Variants in MTUS2 observed in about 807,000 individuals in gnomAD.
The protein encoded by MTUS2 is microtubule associated scaffold protein 2, also known as microtubule-associated tumor suppressor candidate 2.
A neutral mutation model predicts 114.1 loss-of-function variants in MTUS2; 40 were observed. The observed-to-expected ratio is 0.35, with a 90% CI of 0.27 to 0.46. MTUS2 has a LOEUF of 0.46. Among genes scored for constraint, MTUS2 ranks in the 20% least tolerant of loss-of-function variants. The pLI is 1.00. For missense variants in MTUS2, 1,679 were observed against 1,705.4 expected (o/e 0.98, Z 0.27); for synonymous variants, 688 against 672.0 (o/e 1.02, Z -0.37).
intron 5 of MTUS2, among the ~76,000 whole-genome samples, chr13:29,128,364 G>A (rs1008160593): frequency 9.9e-5 from 15 of 152,160 alleles, no homozygotes; most frequent in Non-Finnish European, 1.8e-4. Flanking sequence ...AACTCAAGGA[G>A]AGGAAACCGG....
chr13:28,934,879 A>G (rs1347161406), intron 2 of MTUS2, among the ~76,000 whole-genome samples: 1 of 152,140 alleles, frequency 6.6e-6, no homozygotes, highest in Non-Finnish European at 1.5e-5. Flanking sequence ...TGAAATTGAC[A>G]CACATACAAT....
intron 5 of MTUS2, among the ~76,000 whole-genome samples, chr13:29,144,483 C>T (rs569770994): frequency 1.3e-5 from 2 of 152,174 alleles, no homozygotes; most frequent in South Asian, 2.1e-4. Flanking sequence ...CCCACCTCAG[C>T]CTTCCAGTTT....
In MTUS2 at chr13:29,183,389, G is replaced by A. The variant is rs187197797; in HGVS notation, c.2644+82419G>A. ...GGGAACAGGTTAGGAGATTCATTTGGGGGTAGGGTCAGAAATCAGAAGTTC... is the reference window on the plus strand; with the variant it reads ...GGGAACAGGTTAGGAGATTCATTTGAGGGTAGGGTCAGAAATCAGAAGTTC... On this transcript the variant is annotated intron_variant, in intron 5 of 15. Transcript: ENST00000612955. Among the ~76,000 whole-genome samples the A allele has an allele frequency of 2.6e-4, 40 of 152,286 alleles. 2 individuals carry two copies. The highest frequency in any genetic ancestry group is 1.3e-3 in the Admixed American group (20 of 15,294).
chr13:29,060,141 C>A (rs886828144), intron 4 of MTUS2, among the ~76,000 whole-genome samples: 1 of 152,230 alleles, frequency 6.6e-6, no homozygotes, highest in African/African-American at 2.4e-5. Context: ...GTGCAGCAGT[C>A]TTACTGCTCC....
intron 8 of MTUS2, among the ~76,000 whole-genome samples, chr13:29,389,347 G>GTGTATA (rs1566172512): frequency 0.023 from 279 of 12,060 alleles, 27 homozygotes; most frequent in East Asian, 0.053. Context: ...GTATGCACGT[G>GTGTATA]TGTGTATATA....
chr13:29,274,136 C>T (rs1188096343), intron 5 of MTUS2, among the ~76,000 whole-genome samples: 1 of 151,664 alleles, frequency 6.6e-6, no homozygotes, highest in African/African-American at 2.4e-5. Context: ...GTTTTTGAGA[C>T]AGAGTCTCGC....
At chr13:29,059,975 G>A (rs147544955) in intron 4 of MTUS2, among the ~76,000 whole-genome samples, 11 of 152,366 alleles carry the variant, frequency 7.2e-5, no homozygotes, top group Admixed American at 3.3e-4. Flanking sequence ...AGCAGGCATT[G>A]CCTGCCTGGC....
intron 4 of MTUS2, among the ~76,000 whole-genome samples, chr13:29,057,739 G>A (rs1042543546): frequency 2.0e-5 from 3 of 152,028 alleles, no homozygotes; most frequent in Non-Finnish European, 4.4e-5. Flanking sequence ...TCAGGTTTTA[G>A]TCCTTTATCT....
chr13:28,953,392 C>T (rs1232399330), intron 2 of MTUS2, among the ~76,000 whole-genome samples: 1 of 151,988 alleles, frequency 6.6e-6, no homozygotes, highest in African/African-American at 2.4e-5. Context: ...ACCTGTAATC[C>T]CAGCTACTTG....
chr13:29,222,934 C>T (rs1454305709), intron 5 of MTUS2, among the ~76,000 whole-genome samples: 1 of 152,216 alleles, frequency 6.6e-6, no homozygotes, highest in Non-Finnish European at 1.5e-5. Flanking sequence ...GCTGTCTCGG[C>T]CCCCTCTGGA....
In MTUS2 at chr13:29,082,404, G is replaced by A. The variant is rs190583764; in HGVS notation, c.2447-18369G>A. Among the ~76,000 whole-genome samples the A allele has an allele frequency of 1.1e-4, 16 of 152,278 alleles. 1 individual carries two copies. The East Asian group carries it at 2.7e-3, about 26-fold the overall frequency. On this transcript the variant is annotated intron_variant, in intron 4 of 15. Coordinates refer to ENST00000612955, the MANE Select transcript of MTUS2 (RefSeq NM_001033602.4). ...AAGTAGCAGCTCTCCAGTGAGCTCC[G>A]TCATGCCTGATGGTGATATTTTCAT... is the stretch of plus-strand genomic sequence containing the variant.
At chr13:29,164,213 A>G (rs1322613004) in intron 5 of MTUS2, among the ~76,000 whole-genome samples, 1 of 152,202 alleles carries the variant, frequency 6.6e-6, no homozygotes, top group Admixed American at 6.5e-5. Flanking sequence ...ACCCCTCACC[A>G]GGAGCGGCCC....
At chr13:29,144,287 C>G (rs910469097) in intron 5 of MTUS2, among the ~76,000 whole-genome samples, 2 of 152,116 alleles carry the variant, frequency 1.3e-5, no homozygotes, top group Non-Finnish European at 2.9e-5. Flanking sequence ...TAGATGGTTT[C>G]TCTGTTCAGG....
intron 2 of MTUS2, among the ~76,000 whole-genome samples, chr13:28,889,047 T>G (rs1035194702): frequency 5.3e-5 from 8 of 152,200 alleles, no homozygotes; most frequent in African/African-American, 1.9e-4. Context: ...AGTATCTACT[T>G]GGAAGTAATT....
intron 2 of MTUS2, among the ~76,000 whole-genome samples, chr13:28,909,358 T>G (rs920821297): frequency 3.4e-4 from 50 of 148,116 alleles, no homozygotes; most frequent in African/African-American, 1.2e-3. Context: ...TATCCTCTTT[T>G]ATTTCATTGA....
At chr13:29,396,260 C>G (rs1267850675) in intron 8 of MTUS2, among the ~76,000 whole-genome samples, 1 of 152,182 alleles carries the variant, frequency 6.6e-6, no homozygotes, top group African/African-American at 2.4e-5. Context: ...CACCAACACA[C>G]TGAACATATA....
In MTUS2 at chr13:29,126,123, C is replaced by T. The variant is rs1474839185; in HGVS notation, c.2644+25153C>T. On this transcript the variant is annotated intron_variant, in intron 5 of 15. Transcript: ENST00000612955. ...TACTTTGACACGCATTTAACTTCTC[C>T]ATATACCAAAAATGAGGTTGGTGGG... Among the ~76,000 whole-genome samples the T allele has an allele frequency of 2.0e-5, 3 of 152,164 alleles. No individual in the cohort carries two copies. In the East Asian group the frequency reaches 5.8e-4, roughly 29 times the overall value.
intron 6 of MTUS2, among the ~76,000 whole-genome samples, chr13:29,323,911 C>G (rs970610448): frequency 2.6e-5 from 4 of 152,174 alleles, no homozygotes; most frequent in Non-Finnish European, 2.9e-5. Context: ...TTTCGCTAAT[C>G]TCACATCCAC....
At chr13:28,938,527 A>G (rs1316998708) in intron 2 of MTUS2, among the ~76,000 whole-genome samples, 1 of 151,496 alleles carries the variant, frequency 6.6e-6, no homozygotes, top group African/African-American at 2.4e-5. Context: ...TACTGCAAAG[A>G]AGGTTAGATT....
Sources: allele counts gnomAD v4.1 joint callset (sites outside exome capture counted in the v4.1 genomes callset), GRCh38; gene constraint gnomAD v4.1.1; transcripts MANE v1.5; gene names NCBI Gene and HGNC (gene_info 2026-07-23, HGNC 2026-07-21).